The following ROBO1 variants were observed in gnomAD, a reference collection of about 807,000 sequenced individuals.
ROBO1 encodes roundabout homolog 1.
In ROBO1, 149 loss-of-function variants were observed where a neutral mutation model predicts 195.9. The observed-to-expected ratio is 0.76, with a 90% confidence interval of 0.67 to 0.87. ROBO1 has a LOEUF of 0.87. Ranked by LOEUF, ROBO1 falls within the 40% of genes least tolerant of loss-of-function variation. ROBO1 has a pLI of 0.00. For missense variants in ROBO1, 1,933 were observed against 2,068.3 expected (o/e 0.93, Z 1.27); for synonymous variants, 816 against 733.2 (o/e 1.11, Z -1.82).
intron 4 of ROBO1, among the ~76,000 whole-genome samples, chr3:78,937,072 G>C (rs994180450): frequency 6.6e-6 from 1 of 152,030 alleles, no homozygotes; most frequent in African/African-American, 2.4e-5. Flanking sequence ...GTTTAAAATG[G>C]TTACTTTAAT....
chr3:78,854,122 C>T (rs552912802), intron 4 of ROBO1, among the ~76,000 whole-genome samples: 5 of 151,946 alleles, frequency 3.3e-5, no homozygotes, highest in South Asian at 2.1e-4. Context: ...GGATTCAAGA[C>T]GGCAATATCC....
At chr3:79,719,827 G>T (rs1702628454) in intron 1 of ROBO1, among the ~76,000 whole-genome samples, 1 of 152,056 alleles carries the variant, frequency 6.6e-6, no homozygotes, top group Non-Finnish European at 1.5e-5. Flanking sequence ...TTAATGAAAT[G>T]AATTTGGTAT....
At chr3:78,764,630 T>C (rs2083183434) in intron 4 of ROBO1, among the ~76,000 whole-genome samples, 1 of 152,170 alleles carries the variant, frequency 6.6e-6, no homozygotes, top group African/African-American at 2.4e-5. Context: ...CTTAATATAG[T>C]AAGTAATATC....
chr3:79,194,610 C>T (rs146973477), intron 2 of ROBO1, among the ~76,000 whole-genome samples: 3 of 151,650 alleles, frequency 2.0e-5, no homozygotes, highest in Non-Finnish European at 3.0e-5. Context: ...TATATATAGA[C>T]GTATAAATGC....
intron 2 of ROBO1, among the ~76,000 whole-genome samples, chr3:79,333,736 C>T (rs752567768): frequency 1.8e-4 from 28 of 152,184 alleles, no homozygotes; most frequent in Non-Finnish European, 4.1e-4. Context: ...TTAAGCCCCT[C>T]TTACAGACTC....
chr3:79,091,134 T>C (rs543546424), intron 3 of ROBO1, among the ~76,000 whole-genome samples: 1 of 152,270 alleles, frequency 6.6e-6, no homozygotes, highest in African/African-American at 2.4e-5. Context: ...CATTCTTCAG[T>C]AACATAACCC....
intron 3 of ROBO1, among the ~76,000 whole-genome samples, chr3:79,107,174 G>A (rs552408872): frequency 2.7e-5 from 4 of 146,770 alleles, no homozygotes; most frequent in South Asian, 2.2e-4. Context: ...ACTTGGCAAA[G>A]GATAATTACA....
At chr3:78,804,846 A>G (rs1057338094) in intron 4 of ROBO1, among the ~76,000 whole-genome samples, 2 of 151,584 alleles carry the variant, frequency 1.3e-5, no homozygotes, top group African/African-American at 2.4e-5. Context: ...ACTGCTGTAC[A>G]TCTATTAAGA....
intron 3 of ROBO1, among the ~76,000 whole-genome samples, chr3:79,070,683 C>T (rs1333031804): frequency 1.3e-5 from 2 of 151,504 alleles, no homozygotes; most frequent in South Asian, 2.1e-4. Flanking sequence ...TTTTGTTTTA[C>T]TTTGTTCTTT....
chr3:79,434,562 A>C (rs2038810066), intron 2 of ROBO1, among the ~76,000 whole-genome samples: 1 of 152,038 alleles, frequency 6.6e-6, no homozygotes, highest in African/African-American at 2.4e-5. Context: ...AAAAGTCAGG[A>C]AACAGTGCCG....
intron 2 of ROBO1, among the ~76,000 whole-genome samples, chr3:79,582,923 A>T (rs1366359275): frequency 6.6e-6 from 1 of 152,038 alleles, no homozygotes; most frequent in East Asian, 1.9e-4. Flanking sequence ...TAGTGTAATA[A>T]ACAGCAAGCT....
At chr3:79,207,597 TG>T (rs1399015157) in intron 2 of ROBO1, among the ~76,000 whole-genome samples, 3 of 152,122 alleles carry the variant, frequency 2.0e-5, no homozygotes, top group Admixed American at 6.6e-5. Context: ...GAATCTGGTC[TG>T]GTGTTAGGTG....
intron 3 of ROBO1, among the ~76,000 whole-genome samples, chr3:79,102,240 A>G (rs1187852603): frequency 6.6e-6 from 1 of 151,766 alleles, no homozygotes; most frequent in Non-Finnish European, 1.5e-5. Context: ...TGTACCATAG[A>G]TAGTATTCTT....
At chr3:79,650,433 G>T (rs989395638) in intron 1 of ROBO1, among the ~76,000 whole-genome samples, 1 of 151,266 alleles carries the variant, frequency 6.6e-6, no homozygotes, top group African/African-American at 2.4e-5. Context: ...CTTTAAAAAG[G>T]TATTACATAT....
rs1053907417 is a variant in ROBO1 at position 78,962,723 on chromosome 3, T to G, written c.173-23796A>C. On this transcript the variant is annotated intron_variant, in intron 3 of 30. Coordinates refer to ENST00000464233, the MANE Select transcript of ROBO1 (RefSeq NM_002941.4). ...CCTGTAGTCCCAGCTACTCGGGAGG[T>G]TGAGGCAGGACAATGGTGTGAACCT... 4.1e-5 allele frequency among the ~76,000 whole-genome samples: 6 copies of G among 146,810 alleles called. No homozygotes were observed. In the East Asian group the frequency reaches 1.2e-3, roughly 29 times the overall value.
chr3:79,147,209 A>G (rs2080670448), intron 2 of ROBO1, among the ~76,000 whole-genome samples: 2 of 151,918 alleles, frequency 1.3e-5, no homozygotes, highest in African/African-American at 2.4e-5. Flanking sequence ...TGGTTCAAGC[A>G]TGGTTTAAAG....
chr3:78,753,387 G>T (rs1242881044), intron 4 of ROBO1, among the ~76,000 whole-genome samples: 2 of 152,092 alleles, frequency 1.3e-5, no homozygotes, highest in Non-Finnish European at 2.9e-5. Context: ...GTACTGCCGT[G>T]CAAAATACTC....
At chr3:78,943,029 ATGGTG>A (rs2040223415) in intron 3 of ROBO1, among the ~76,000 whole-genome samples, 1 of 152,054 alleles carries the variant, frequency 6.6e-6, no homozygotes, top group Admixed American at 6.6e-5. Flanking sequence ...CCTGGTTAAC[ATGGTG>A]AAACCCTGTC....
At chr3:79,003,409 A>T (rs2108149910) in intron 3 of ROBO1, among the ~76,000 whole-genome samples, 1 of 152,318 alleles carries the variant, frequency 6.6e-6, no homozygotes, top group Admixed American at 6.5e-5. Flanking sequence ...AACAAAACAA[A>T]CAAAACTTGA....
Sources: gnomAD v4.1 joint callset for allele counts (sites outside exome capture counted in the v4.1 genomes callset) on GRCh38, gnomAD v4.1.1 for gene constraint, MANE v1.5 for transcripts, NCBI Gene and HGNC (gene_info 2026-07-23, HGNC 2026-07-21) for gene names.